DNAJC21: variants seen among roughly 807,000 people sequenced by gnomAD.
The protein encoded by DNAJC21 is DnaJ heat shock protein family (Hsp40) member C21.
In DNAJC21, 63 loss-of-function variants were observed where a neutral mutation model predicts 72.4. That is an observed-to-expected ratio of 0.87 (90% confidence interval 0.71 to 1.07). The LOEUF (loss-of-function observed/expected upper bound fraction) is 1.07, where lower values mean the gene tolerates loss of function less well. Ranked by LOEUF, DNAJC21 falls within the 50% of genes least tolerant of loss-of-function variation. The pLI is 0.00. For missense variants in DNAJC21, 634 were observed against 644.8 expected (o/e 0.98, Z 0.18); for synonymous variants, 203 against 216.7 (o/e 0.94, Z 0.56).
chr5:34,945,190 C>G (rs538800457), intron 8 of DNAJC21, among the ~76,000 whole-genome samples, 165 bp downstream of exon 8: 1 of 152,186 alleles, frequency 6.6e-6, no homozygotes, highest in African/African-American at 2.4e-5. Flanking sequence ...TGATTCTCCT[C>G]CCTCAGCCTC....
intron 1 of DNAJC21, among the ~76,000 whole-genome samples, chr5:34,930,965 C>T (rs1764569313): frequency 6.6e-6 from 1 of 152,188 alleles, no homozygotes; most frequent in Non-Finnish European, 1.5e-5. Flanking sequence ...TGTATTGAGT[C>T]TTCCCCTTCT....
intron 9 of DNAJC21, among the ~76,000 whole-genome samples, chr5:34,946,171 A>G (rs1177543960): frequency 6.6e-6 from 1 of 152,140 alleles, no homozygotes; most frequent in Non-Finnish European, 1.5e-5. Flanking sequence ...TCATTTTTTT[A>G]TCTCAGTTTA....
At position 34,934,716 on chromosome 5, in the gene DNAJC21, G is replaced by A. The variant is rs1359852710; in HGVS notation, c.191+808G>A. Among the ~76,000 whole-genome samples, 3 of 152,094 alleles carry A rather than the reference G, an allele frequency of 2.0e-5. No individual in the cohort carries two copies. In the East Asian group the frequency reaches 5.8e-4, roughly 29 times the overall value. On this transcript the variant is annotated intron_variant, in intron 2 of 11. Coordinates refer to ENST00000648817, the MANE Select transcript of DNAJC21 (RefSeq NM_001012339.3). ...ATTCTCAATTAACTTTTTGCTACAA[G>A]GAAATAGGTTTTAAGCTTTGACATA... is the stretch of plus-strand genomic sequence containing the variant.
In DNAJC21 at chr5:34,954,883, C is replaced by T. The variant is rs998122725; in HGVS notation, c.*169C>T. 2 of 726,518 alleles carry T rather than the reference C, an allele frequency of 2.8e-6. No individual in the cohort carries two copies. The highest frequency in any genetic ancestry group is 3.0e-5 in the South Asian group (1 of 33,466). The allele number at this position is 726,518 out of a possible 1,614,324, so 45.0% of individuals were successfully genotyped here. ...TTTGGTTTAATATATATTTTTAAAA[C>T]ATTTCACTAGTGATTGAATTCTACT... On this transcript the variant is annotated 3_prime_UTR_variant, in exon 12 of 12. Coordinates refer to ENST00000648817, the MANE Select transcript of DNAJC21 (RefSeq NM_001012339.3).
At chr5:34,935,894 A>G (rs1034686705) in intron 3 of DNAJC21, 61 bp downstream of exon 3, 84 of 1,599,594 alleles carry the variant, frequency 5.3e-5, no homozygotes, top group Non-Finnish European at 7.0e-5. Flanking sequence ...CTCACATACA[A>G]AGAGAATTCT....
At chr5:34,933,564 C>CCAT (rs1561180255) in intron 1 of DNAJC21, among the ~76,000 whole-genome samples, 1 of 152,170 alleles carries the variant, frequency 6.6e-6, no homozygotes, top group Non-Finnish European at 1.5e-5. Flanking sequence ...TGGGCGTGAG[C>CCAT]CATCACGCCC....
intron 4 of DNAJC21, 94 bp from the exon 5 acceptor site, chr5:34,937,231 AG>A: frequency 7.6e-7 from 1 of 1,308,574 alleles, no homozygotes; most frequent in Non-Finnish European, 1.0e-6. Context: ...ACATGAAAAA[AG>A]AAAGGTAAAA....
chr5:34,929,624 G>C lies in DNAJC21; in HGVS notation c.-196G>C, dbSNP rs1312690694. 6.5e-6 allele frequency: 1 copy of C among 154,642 alleles called. No individual in the cohort carries two copies. The highest frequency in any genetic ancestry group is 2.4e-5 in the African/African-American group (1 of 40,956). The allele number at this position is 154,642 out of a possible 1,614,324, so 9.6% of individuals were successfully genotyped here. On this transcript the variant is annotated 5_prime_UTR_variant, in exon 1 of 12. Coordinates refer to ENST00000648817, the MANE Select transcript of DNAJC21 (RefSeq NM_001012339.3). ...CCGCTTGCCGCAGCCTGCGTCGTCT[G>C]CCGCCACCGCGCGCCTTCACTGACC... is the stretch of plus-strand genomic sequence containing the variant.
chr5:34,930,227 G>A (rs888087473), intron 1 of DNAJC21: 49 of 191,204 alleles, frequency 2.6e-4, no homozygotes, highest in Non-Finnish European at 4.8e-4. Context: ...GACACCACGA[G>A]GGAGCAGTCG....
chr5:34,947,733 CAT>C (rs1195067891), intron 9 of DNAJC21, among the ~76,000 whole-genome samples: 9 of 140,480 alleles, frequency 6.4e-5, no homozygotes, highest in African/African-American at 2.1e-4. Flanking sequence ...ATCATTTAAT[CAT>C]ATATAGAAGA....
chr5:34,950,214 A>G lies in DNAJC21; in HGVS notation c.1230A>G (p.Val410=). ...NFNVNGPGEG[V]KVDPEDTNLN... ...ATGTAAATGGACCTGGAGAAGGAGT[A>G]AAGGTTGATCCAGAAGATACTAACT... The change falls in exon 10 of 12, where the codon GTA becomes GTG. Residue 410 remains valine, a synonymous_variant. Transcript: ENST00000648817. 2 of 1,613,360 alleles carry G rather than the reference A, an allele frequency of 1.2e-6. No homozygotes were observed. The highest frequency in any genetic ancestry group is 1.7e-6 in the Non-Finnish European group (2 of 1,179,772).
In DNAJC21 at chr5:34,929,840, G is replaced by T. The variant is rs754143117; in HGVS notation, c.21G>T (p.Ala7=). The change falls in exon 1 of 12, where the codon GCG becomes GCT. Residue 7 remains alanine, a synonymous_variant. Transcript: ENST00000648817. MKCHYE[A]LGVRRDASEE... is the part of the protein sequence containing the mutation. ...GGGCGATGAAGTGTCACTATGAGGC[G>T]CTGGGGGTGCGGCGCGACGCCAGCG... 7.0e-6 allele frequency: 11 copies of T among 1,572,688 alleles called. No homozygotes were observed. The highest frequency in any genetic ancestry group is 5.6e-5 in the African/African-American group (4 of 71,186).
intron 4 of DNAJC21, among the ~76,000 whole-genome samples, chr5:34,936,860 C>T (rs1241666988): frequency 6.6e-6 from 1 of 152,152 alleles, no homozygotes; most frequent in Non-Finnish European, 1.5e-5. Flanking sequence ...AAGCGATTCT[C>T]CTGCCTCAGC....
In DNAJC21 at chr5:34,935,337, C is replaced by G. The variant is rs373232012; in HGVS notation, c.192-373C>G. 1.2e-4 allele frequency among the ~76,000 whole-genome samples: 19 copies of G among 152,256 alleles called. No individual in the cohort carries two copies. In the South Asian group the frequency reaches 3.7e-3, roughly 30 times the overall value. On this transcript the variant is annotated intron_variant, in intron 2 of 11. Coordinates refer to ENST00000648817, the MANE Select transcript of DNAJC21 (RefSeq NM_001012339.3). ...TAGGAAGATTCTTATTCCAGTGCAT[C>G]TTGGTAAATTTCCAAATCACAGATG...
Position 34,955,612 on chromosome 5 carries a change from G to A in DNAJC21, c.*898G>A, listed in dbSNP as rs1488935197. 1 of 151,826 alleles carries A rather than the reference G, an allele frequency of 6.6e-6. No individual in the cohort carries two copies. The highest frequency in any genetic ancestry group is 1.5e-5 in the Non-Finnish European group (1 of 68,006). 9.4% of individuals were successfully genotyped at this position (151,826 alleles called of 1,614,324 possible). A position where few individuals can be genotyped will look rare whatever the true frequency, so the allele number is the denominator to read the frequency against. On this transcript the variant is annotated 3_prime_UTR_variant, in exon 12 of 12. Coordinates refer to ENST00000648817, the MANE Select transcript of DNAJC21 (RefSeq NM_001012339.3). ...TGAAAGATTTTGTGATAGAGCTGAT[G>A]CTTATACATCTATTCTATAACAGTG...
intron 1 of DNAJC21, chr5:34,930,382 T>C (rs910141598): frequency 6.6e-6 from 1 of 152,420 alleles, no homozygotes; most frequent in Non-Finnish European, 1.5e-5. Flanking sequence ...TTTCGTTTCT[T>C]AGTTAAGAAG....
chr5:34,942,867 G>A (rs549060505), intron 7 of DNAJC21, among the ~76,000 whole-genome samples: 15 of 152,178 alleles, frequency 9.9e-5, no homozygotes, highest in African/African-American at 3.4e-4. Context: ...TTGGGAGTTT[G>A]AGACCAGCCT....
Position 34,954,756 on chromosome 5 carries a change from A to G in DNAJC21, c.*42A>G. The G allele has an allele frequency of 4.6e-6, 7 of 1,506,026 alleles. No individual in the cohort carries two copies. Among genetic ancestry groups the G allele is most frequent in the Non-Finnish European group, 6.2e-6 (7 of 1,124,680 alleles). 93.3% of individuals were successfully genotyped at this position (1,506,026 alleles called of 1,614,324 possible). A position where few individuals can be genotyped will look rare whatever the true frequency, so the allele number is the denominator to read the frequency against. On this transcript the variant is annotated 3_prime_UTR_variant, in exon 12 of 12. Coordinates refer to ENST00000648817, the MANE Select transcript of DNAJC21 (RefSeq NM_001012339.3). Reference sequence around the variant, plus strand: ...TTTGTTTGACTGTCTCTAGATTTTGAAACCAAAAAACTGAACTGAAATCAT... The same window carrying G: ...TTTGTTTGACTGTCTCTAGATTTTGGAACCAAAAAACTGAACTGAAATCAT...
In DNAJC21 at chr5:34,948,862, C is replaced by CA. The variant is rs755582753; in HGVS notation, c.1186-1296dup. ...CCTGGGCAACAGAGCAAGACTGTCTCAAAAAAAAAAAAGTTGGAGAAAGGA... is the reference window on the plus strand; with the variant it reads ...CCTGGGCAACAGAGCAAGACTGTCTCAAAAAAAAAAAAAGTTGGAGAAAGGA... On this transcript the variant is annotated intron_variant, in intron 9 of 11. Transcript: ENST00000648817. Among the ~76,000 whole-genome samples, 91 of 136,604 alleles carry CA rather than the reference C, an allele frequency of 6.7e-4. No individual in the cohort carries two copies. In the Middle Eastern group the frequency reaches 0.019, roughly 28 times the overall value. 89.6% of individuals were successfully genotyped at this position (136,604 alleles called of 152,430 possible). A position where few individuals can be genotyped will look rare whatever the true frequency, so the allele number is the denominator to read the frequency against.
Sources: gnomAD v4.1 joint callset for allele counts (sites outside exome capture counted in the v4.1 genomes callset) on GRCh38, gnomAD v4.1.1 for gene constraint, MANE v1.5 for transcripts, NCBI Gene and HGNC (gene_info 2026-07-23, HGNC 2026-07-21) for gene names.